The following KDM4B variants were observed in gnomAD, a reference collection of about 807,000 sequenced individuals.
KDM4B encodes lysine demethylase 4B.
Under a neutral mutation model 125.2 loss-of-function variants are expected in KDM4B, and 32 were observed. The ratio of observed to expected loss-of-function variants is 0.26; its 90% CI spans 0.19 to 0.34. The LOEUF is 0.34. Among genes scored for constraint, KDM4B ranks in the 10% least tolerant of loss-of-function variants. The pLI is 1.00. For synonymous variants in KDM4B, 721 were observed against 677.9 expected (o/e 1.06, Z -0.99); for missense variants, 1,190 against 1,577.7 (o/e 0.75, Z 4.16).
Position 5,090,657 on chromosome 19 carries a change from TC to T in KDM4B, c.918+8159del, listed in dbSNP as rs1178961609. On this transcript the variant is annotated intron_variant, in intron 9 of 22. Transcript: ENST00000159111. ...CGTGCGCCCCCCTCCGGCCCCCCCTTCCCCCCACCGCCGACAGTACCACCCT... is the reference window on the plus strand; with the variant it reads ...CGTGCGCCCCCCTCCGGCCCCCCCTTCCCCCACCGCCGACAGTACCACCCT... 8.9e-5 allele frequency among the ~76,000 whole-genome samples: 9 copies of T among 101,200 alleles called. No homozygotes were observed. In the East Asian group the frequency reaches 2.6e-3, roughly 29 times the overall value. The allele number at this position is 101,200 out of a possible 152,430, so 66.4% of individuals were successfully genotyped here.
chr19:4,978,739 G>A lies in KDM4B; in HGVS notation c.-109+9509G>A, dbSNP rs911204977. ...CTGTGCCTGTCGCTGGCTCAGGGGC[G>A]CGGGAGGAGGGATGGGCTGCAGCGA... On this transcript the variant is annotated intron_variant, in intron 1 of 22. Transcript: ENST00000159111. Among the ~76,000 whole-genome samples, 10 of 152,164 alleles carry A rather than the reference G, an allele frequency of 6.6e-5. No individual in the cohort carries two copies. The East Asian group carries it at 9.6e-4, about 15-fold the overall frequency.
At chr19:5,060,316 G>A (rs1016961713) in intron 6 of KDM4B, among the ~76,000 whole-genome samples, 1 of 151,818 alleles carries the variant, frequency 6.6e-6, no homozygotes, top group African/African-American at 2.4e-5. Flanking sequence ...GTGGGTGCCT[G>A]TAGTCCCAGC....
At chr19:5,140,267 C>G (rs879553921) in intron 18 of KDM4B, 1 of 152,726 alleles carries the variant, frequency 6.5e-6, no homozygotes, top group Admixed American at 6.5e-5. Context: ...GAGCCTGGGG[C>G]CTGGAGGGGC....
intron 10 of KDM4B, chr19:5,119,224 G>A (rs1321902490): frequency 6.6e-7 from 1 of 1,524,690 alleles, no homozygotes; most frequent in South Asian, 1.2e-5. Flanking sequence ...GCTGTCGTAA[G>A]TGTCTTTTTC....
intron 9 of KDM4B, among the ~76,000 whole-genome samples, chr19:5,087,567 G>A (rs1274372055): frequency 6.6e-6 from 1 of 152,214 alleles, no homozygotes; most frequent in Non-Finnish European, 1.5e-5. Context: ...TCTTTCTGGG[G>A]GGTGGGGTAG....
intron 6 of KDM4B, among the ~76,000 whole-genome samples, chr19:5,066,324 C>T (rs879822611): frequency 6.6e-5 from 10 of 152,234 alleles, no homozygotes; most frequent in Non-Finnish European, 1.0e-4. Context: ...TGCCCGTGCC[C>T]ACCCACCCAC....
chr19:5,128,168 C>T (rs2039481611), intron 11 of KDM4B, among the ~76,000 whole-genome samples: 1 of 152,174 alleles, frequency 6.6e-6, no homozygotes, highest in South Asian at 2.1e-4. Flanking sequence ...CTGGAGTCCC[C>T]TGTGTGCGGA....
In KDM4B at chr19:5,138,489, TA is replaced by T. The variant is rs897275153; in HGVS notation, c.2550+427del. On this transcript the variant is annotated intron_variant, in intron 18 of 22. Transcript: ENST00000159111. ...GCAACACGATGAGACCCCATCTCTA[TA>T]AAAAAAATAAAAAACACTAGCTGGG... 8 of 169,452 alleles carry T rather than the reference TA, an allele frequency of 4.7e-5. No individual in the cohort carries two copies. The East Asian group carries it at 7.1e-4, about 15-fold the overall frequency. 10.5% of individuals were successfully genotyped at this position (169,452 alleles called of 1,614,324 possible). A position where few individuals can be genotyped will look rare whatever the true frequency, so the allele number is the denominator to read the frequency against.
rs779398920 is a variant in KDM4B, at chr19:5,131,341, C to T, written c.1581C>T (p.Pro527=). 7 of 1,612,146 alleles carry T rather than the reference C, an allele frequency of 4.3e-6. No homozygotes were observed. The highest frequency in any genetic ancestry group is 2.2e-5 in the East Asian group (1 of 44,746). Residue 527 remains proline, a synonymous_variant, in exon 12 of 23, where the codon CCC becomes CCT. Transcript: ENST00000159111. ...AGGCCAAGCCTCGGCCCATCATCCC[C>T]ATGCTGTACGTGGTGCCGCGGCCGG... ...ELEAKPRPII[P]MLYVVPRPGK... is the part of the protein sequence containing the mutation.
chr19:5,140,681 G>A lies in KDM4B; in HGVS notation c.2550+2611G>A, dbSNP rs1198343350. 3 of 152,344 alleles carry A rather than the reference G, an allele frequency of 2.0e-5. 1 individual carries two copies. The East Asian group carries it at 5.8e-4, about 29-fold the overall frequency. 9.4% of individuals were successfully genotyped at this position (152,344 alleles called of 1,614,324 possible). A position where few individuals can be genotyped will look rare whatever the true frequency, so the allele number is the denominator to read the frequency against. ...ACCTGGGCGGCGGAGGTTGCAGTGA[G>A]CTGAGATTGCGCCACTGCACTCCAG... On this transcript the variant is annotated intron_variant, in intron 18 of 22. Transcript: ENST00000159111.
At chr19:5,005,961 C>CTGCACTT (rs2035543840) in intron 1 of KDM4B, among the ~76,000 whole-genome samples, 1 of 152,102 alleles carries the variant, frequency 6.6e-6, no homozygotes, top group East Asian at 1.9e-4. Flanking sequence ...GCTTCTCATC[C>CTGCACTT]CAGTGGTCTC....
At chr19:5,144,512 G>T (rs1270899586) in intron 20 of KDM4B, 100 bp downstream of exon 20, 2 of 668,572 alleles carry the variant, frequency 3.0e-6, no homozygotes, top group Non-Finnish European at 4.7e-6. Context: ...TGGGCGGGGG[G>T]AAGCTAGGAG....
chr19:5,003,593 G>A (rs752194885), intron 1 of KDM4B, among the ~76,000 whole-genome samples: 6 of 152,080 alleles, frequency 3.9e-5, no homozygotes, highest in Non-Finnish European at 8.8e-5. Flanking sequence ...TGGATCCCTA[G>A]AGGTCAGGAA....
chr19:5,017,462 A>T (rs995447064), intron 2 of KDM4B, among the ~76,000 whole-genome samples: 2 of 152,090 alleles, frequency 1.3e-5, no homozygotes, highest in Non-Finnish European at 2.9e-5. Flanking sequence ...GCATCTGGAG[A>T]TATTTCCTGT....
intron 2 of KDM4B, among the ~76,000 whole-genome samples, chr19:5,017,432 G>T (rs1429928982): frequency 6.6e-6 from 1 of 152,172 alleles, no homozygotes; most frequent in African/African-American, 2.4e-5. Flanking sequence ...TGACTAGCTG[G>T]AACAGAGGGC....
chr19:5,123,529 G>T (rs1034751105), intron 11 of KDM4B, among the ~76,000 whole-genome samples: 1 of 152,252 alleles, frequency 6.6e-6, no homozygotes, highest in Non-Finnish European at 1.5e-5. Flanking sequence ...CAAACAAGGT[G>T]GCACCCCAGG....
intron 2 of KDM4B, among the ~76,000 whole-genome samples, chr19:5,020,800 C>A (rs2036092702): frequency 6.6e-6 from 1 of 152,220 alleles, no homozygotes; most frequent in African/African-American, 2.4e-5. Context: ...ACCTTGAACA[C>A]TTCGCTTTCT....
chr19:5,122,895 C>T (rs1225488162), intron 11 of KDM4B, among the ~76,000 whole-genome samples: 1 of 152,256 alleles, frequency 6.6e-6, no homozygotes, highest in Non-Finnish European at 1.5e-5. Flanking sequence ...GCAGCCCAGT[C>T]CCCTGTTGCC....
intron 9 of KDM4B, among the ~76,000 whole-genome samples, chr19:5,085,098 G>A (rs184261673): frequency 1.4e-3 from 215 of 152,224 alleles, no homozygotes; most frequent in Admixed American, 3.5e-3. Context: ...CGGTCTGGAC[G>A]AATGAGCTAA....
Sources: gnomAD v4.1 joint callset for allele counts (sites outside exome capture counted in the v4.1 genomes callset) on GRCh38, gnomAD v4.1.1 for gene constraint, MANE v1.5 for transcripts, NCBI Gene and HGNC (gene_info 2026-07-23, HGNC 2026-07-21) for gene names.